Variants in CNTN5 observed in about 807,000 individuals in gnomAD.
The protein encoded by CNTN5 is contactin-5.
CNTN5 carries 77 observed loss-of-function variants against 129.1 expected under a neutral mutation model. That is an observed-to-expected ratio of 0.60 (90% CI 0.50 to 0.72). The LOEUF (loss-of-function observed/expected upper bound fraction) is 0.72, where lower values mean the gene tolerates loss of function less well. CNTN5 is among the 30% of genes least tolerant of loss of function. The pLI is 0.00. For synonymous variants in CNTN5, 509 were observed against 465.6 expected, an observed-to-expected ratio of 1.09 and a Z score of -1.20; for missense variants, 1,478 against 1,328.8, an observed-to-expected ratio of 1.11 and a Z score of -1.75.
intron 1 of CNTN5, among the ~76,000 whole-genome samples, chr11:99,029,621 C>G (rs1863267337): frequency 6.6e-6 from 1 of 151,972 alleles, no homozygotes; most frequent in Non-Finnish European, 1.5e-5. Flanking sequence ...TGTAGGAAAA[C>G]AGTAGGAAAG....
chr11:99,407,025 C>A (rs1257554373), intron 2 of CNTN5, among the ~76,000 whole-genome samples: 1 of 152,004 alleles, frequency 6.6e-6, no homozygotes, highest in Non-Finnish European at 1.5e-5. Context: ...CCCCAAGAGC[C>A]TGTTTGGTGT....
At chr11:100,249,019 G>A (rs1949907508) in intron 16 of CNTN5, among the ~76,000 whole-genome samples, 1 of 152,066 alleles carries the variant, frequency 6.6e-6, no homozygotes, top group Non-Finnish European at 1.5e-5. Context: ...CTGTTTCTGA[G>A]GGAGGAATTT....
chr11:99,123,879 ACT>A, intron 1 of CNTN5, among the ~76,000 whole-genome samples: 1 of 150,560 alleles, frequency 6.6e-6, no homozygotes, highest in East Asian at 2.0e-4. Context: ...TTATTTCTGG[ACT>A]CTGTTCTGAT....
intron 2 of CNTN5, among the ~76,000 whole-genome samples, chr11:99,479,609 C>T (rs1430591591): frequency 6.6e-6 from 1 of 151,910 alleles, no homozygotes; most frequent in Non-Finnish European, 1.5e-5. Flanking sequence ...TACATCATAC[C>T]AAGCCATTTG....
At chr11:99,509,748 G>A (rs1946764265) in intron 2 of CNTN5, among the ~76,000 whole-genome samples, 1 of 151,884 alleles carries the variant, frequency 6.6e-6, no homozygotes, top group African/African-American at 2.4e-5. Flanking sequence ...GAAAAAAAGA[G>A]ATTATTGATC....
At chr11:100,057,244 GTATAAATA>G (rs1041389719) in intron 9 of CNTN5, among the ~76,000 whole-genome samples, 2 of 147,434 alleles carry the variant, frequency 1.4e-5, no homozygotes, top group Admixed American at 6.8e-5. Flanking sequence ...ACATTATAAA[GTATAAATA>G]TATAAATATA....
intron 2 of CNTN5, among the ~76,000 whole-genome samples, chr11:99,341,173 T>C (rs968318059): frequency 6.6e-6 from 1 of 152,202 alleles, no homozygotes; most frequent in Non-Finnish European, 1.5e-5. Context: ...TATGAAAGTA[T>C]GTTTATTCTA....
At chr11:100,189,658 C>A (rs1201088703) in intron 13 of CNTN5, among the ~76,000 whole-genome samples, 2 of 152,046 alleles carry the variant, frequency 1.3e-5, no homozygotes, top group African/African-American at 4.8e-5. Context: ...GCATAGGTAT[C>A]TTTGGGGTTG....
chr11:99,877,527 C>T (rs1948665127), intron 6 of CNTN5, among the ~76,000 whole-genome samples: 1 of 152,054 alleles, frequency 6.6e-6, no homozygotes, highest in South Asian at 2.1e-4. Flanking sequence ...AAAATCTAAA[C>T]ACAAGGTAAA....
intron 13 of CNTN5, among the ~76,000 whole-genome samples, chr11:100,146,777 A>G (rs959905305): frequency 4.6e-5 from 7 of 152,180 alleles, no homozygotes; most frequent in African/African-American, 1.7e-4. Flanking sequence ...GTAAAGGGAT[A>G]TAAATGATTA....
chr11:99,262,945 G>A (rs1383650772), intron 1 of CNTN5, among the ~76,000 whole-genome samples: 2 of 151,962 alleles, frequency 1.3e-5, no homozygotes, highest in East Asian at 3.9e-4. Flanking sequence ...AAGGCTGGAT[G>A]GGTTTGAATA....
At position 99,910,179 on chromosome 11, in the gene CNTN5, G is replaced by A. The variant is rs146880651; in HGVS notation, c.578-5875G>A. On this transcript the variant is annotated intron_variant, in intron 6 of 24. Transcript: ENST00000524871. ...TTACCTAATTTTAGTGAATGTCAGT[G>A]TCCTAATCATAAATGGACATAATAA... 6.6e-4 allele frequency among the ~76,000 whole-genome samples: 100 copies of A among 152,120 alleles called. 1 individual carries two copies. The East Asian group carries it at 0.016, about 25-fold the overall frequency.
At chr11:99,800,667 T>G (rs1309446857) in intron 3 of CNTN5, among the ~76,000 whole-genome samples, 1 of 152,188 alleles carries the variant, frequency 6.6e-6, no homozygotes, top group East Asian at 1.9e-4. Context: ...TTGAACTTTT[T>G]ATCATTATGT....
At chr11:99,091,200 C>T (rs1425093379) in intron 1 of CNTN5, among the ~76,000 whole-genome samples, 2 of 152,180 alleles carry the variant, frequency 1.3e-5, no homozygotes, top group Non-Finnish European at 2.9e-5. Context: ...CTACCACTTG[C>T]GGTCCTGTTA....
intron 2 of CNTN5, among the ~76,000 whole-genome samples, chr11:99,354,636 C>T (rs1005701386): frequency 6.6e-6 from 1 of 152,134 alleles, no homozygotes; most frequent in African/African-American, 2.4e-5. Context: ...TAACCTCTAA[C>T]ATATTCCACA....
intron 10 of CNTN5, among the ~76,000 whole-genome samples, chr11:100,065,738 G>A (rs1943669149): frequency 6.6e-6 from 1 of 152,066 alleles, no homozygotes; most frequent in African/African-American, 2.4e-5. Context: ...GGCATGAGAT[G>A]AGAATGGCAT....
chr11:99,778,280 A>T (rs1945194401), intron 3 of CNTN5, among the ~76,000 whole-genome samples: 1 of 151,804 alleles, frequency 6.6e-6, no homozygotes, highest in Non-Finnish European at 1.5e-5. Context: ...TCTATTAAAG[A>T]CTGAGAAGTG....
In CNTN5 at chr11:99,703,575, G is replaced by A. The variant is rs369473271; in HGVS notation, c.56-115969G>A. On this transcript the variant is annotated intron_variant, in intron 3 of 24. Coordinates refer to ENST00000524871, the MANE Select transcript of CNTN5 (RefSeq NM_014361.4). ...TTACTGTTTCTGTTTTGAAGATGAG[G>A]AAATTTGTAAATCCGAAAGTTTAAG... 1.7e-4 allele frequency among the ~76,000 whole-genome samples: 25 copies of A among 150,892 alleles called. No homozygotes were observed. In the South Asian group the frequency reaches 4.6e-3, roughly 28 times the overall value.
At chr11:99,155,379 T>TGTCATATG (rs1214406380) in intron 1 of CNTN5, among the ~76,000 whole-genome samples, 1 of 152,224 alleles carries the variant, frequency 6.6e-6, no homozygotes, top group Non-Finnish European at 1.5e-5. Context: ...TTTTGTAAAG[T>TGTCATATG]GTCATATGAG....
Sources: gnomAD v4.1 joint callset for allele counts (sites outside exome capture counted in the v4.1 genomes callset) on GRCh38, gnomAD v4.1.1 for gene constraint, MANE v1.5 for transcripts, NCBI Gene and HGNC (gene_info 2026-07-23, HGNC 2026-07-21) for gene names.